Variants in SV2C observed in about 807,000 individuals in gnomAD.
SV2C encodes synaptic vesicle glycoprotein 2C.
SV2C carries 49 observed loss-of-function variants against 79.7 expected under a neutral mutation model. The ratio of observed to expected loss-of-function variants is 0.61; its 90% CI spans 0.49 to 0.78. The LOEUF is 0.78. Among genes scored for constraint, SV2C ranks in the 30% least tolerant of loss-of-function variants. The pLI is 0.00. For missense variants in SV2C, 833 were observed against 912.9 expected (o/e 0.91, Z 1.13); for synonymous variants, 334 against 333.2 (o/e 1.00, Z -0.03).
intron 1 of SV2C, among the ~76,000 whole-genome samples, chr5:76,114,337 G>C (rs1431118097): frequency 6.6e-6 from 1 of 152,106 alleles, no homozygotes; most frequent in Non-Finnish European, 1.5e-5. Context: ...GCTTTTTATA[G>C]CCACCACCCT....
At chr5:76,163,942 C>T (rs534134702) in intron 2 of SV2C, among the ~76,000 whole-genome samples, 56 of 152,304 alleles carry the variant, frequency 3.7e-4, no homozygotes, top group African/African-American at 1.1e-3. Context: ...GACAGTAGGG[C>T]AGACACTGAT....
chr5:76,246,064 C>A (rs1745939753), intron 4 of SV2C, among the ~76,000 whole-genome samples: 2 of 151,840 alleles, frequency 1.3e-5, no homozygotes, highest in Admixed American at 6.6e-5. Context: ...AGTTTGCTTA[C>A]AATGTACCCA....
intron 3 of SV2C, among the ~76,000 whole-genome samples, chr5:76,209,350 G>A (rs1744699506): frequency 6.6e-6 from 1 of 152,150 alleles, no homozygotes; most frequent in Non-Finnish European, 1.5e-5. Context: ...CACAGCATCA[G>A]TTTTTAAAAA....
chr5:76,203,385 C>A (rs1031025670), intron 3 of SV2C, among the ~76,000 whole-genome samples: 1 of 152,174 alleles, frequency 6.6e-6, no homozygotes, highest in Non-Finnish European at 1.5e-5. Flanking sequence ...GAAATGTATA[C>A]AGCAAGAGGC....
intron 4 of SV2C, among the ~76,000 whole-genome samples, chr5:76,246,134 G>A (rs1051454430): frequency 7.9e-5 from 12 of 152,010 alleles, no homozygotes; most frequent in African/African-American, 2.9e-4. Context: ...ACTCCTGGGA[G>A]TTAGGGGAAT....
At chr5:76,217,505 C>T (rs2112369455) in intron 4 of SV2C, among the ~76,000 whole-genome samples, 1 of 152,318 alleles carries the variant, frequency 6.6e-6, no homozygotes, top group Admixed American at 6.5e-5. Flanking sequence ...TCTGTCAAAG[C>T]TTTTCAGTCT....
rs1020727618 is a variant in SV2C, at chr5:76,330,563, C to A, written c.*5016C>A. 1 of 148,438 alleles carries A rather than the reference C, an allele frequency of 6.7e-6. No homozygotes were observed. Among genetic ancestry groups the A allele is most frequent in the Non-Finnish European group, 1.5e-5 (1 of 66,882 alleles). The allele number at this position is 148,438 out of a possible 1,614,324, so 9.2% of individuals were successfully genotyped here. A position where few individuals can be genotyped will look rare whatever the true frequency, so the allele number is the denominator to read the frequency against. On this transcript the variant is annotated 3_prime_UTR_variant, in exon 13 of 13. Transcript: ENST00000502798. Reference sequence around the variant, plus strand: ...ATTACATGTGAACCCTCCGCGCCCCCCCCCATAAATACAAAGTGTTATTTT... The same window carrying A: ...ATTACATGTGAACCCTCCGCGCCCCACCCCATAAATACAAAGTGTTATTTT...
the SV2C span, among the ~76,000 whole-genome samples, chr5:75,850,564 T>TA: frequency 6.6e-6 from 1 of 152,030 alleles, no homozygotes; most frequent in African/African-American, 2.4e-5. Context: ...AGTGACTATC[T>TA]AGGTTGGTGG....
rs536490886 is a variant in SV2C, at chr5:76,110,656, A to G, written c.-101-20994A>G. Reference sequence around the variant, plus strand: ...TGGTGTGCAGAAGTGAGTTCTGGGCACAGGAGCCAGCCTAGCAGCCCATGG... The same window carrying G: ...TGGTGTGCAGAAGTGAGTTCTGGGCGCAGGAGCCAGCCTAGCAGCCCATGG... On this transcript the variant is annotated intron_variant, in intron 1 of 12. Coordinates refer to ENST00000502798, the MANE Select transcript of SV2C (RefSeq NM_014979.4). Among the ~76,000 whole-genome samples, 13 of 152,374 alleles carry G rather than the reference A, an allele frequency of 8.5e-5. No individual in the cohort carries two copies. In the East Asian group the frequency reaches 2.1e-3, roughly 25 times the overall value.
chr5:76,300,351 G>C (rs1487753216), intron 10 of SV2C, among the ~76,000 whole-genome samples: 2 of 151,916 alleles, frequency 1.3e-5, no homozygotes, highest in Non-Finnish European at 2.9e-5. Flanking sequence ...TATAATTGTA[G>C]TATGGACACT....
the SV2C span, among the ~76,000 whole-genome samples, chr5:75,862,376 A>G: frequency 6.6e-6 from 1 of 152,218 alleles, no homozygotes; most frequent in Non-Finnish European, 1.5e-5. Context: ...ACCTAATGCC[A>G]TTTGCCTAGA....
the SV2C span, among the ~76,000 whole-genome samples, chr5:76,026,868 G>A: frequency 1.3e-5 from 2 of 152,080 alleles, no homozygotes; most frequent in Non-Finnish European, 2.9e-5. Context: ...TCCTGAGGAT[G>A]GAGGTGGATG....
the SV2C span, among the ~76,000 whole-genome samples, chr5:75,872,936 A>C: frequency 2.6e-5 from 4 of 152,042 alleles, no homozygotes; most frequent in Admixed American, 6.6e-5. Flanking sequence ...AAAGAAAAAG[A>C]AAAATAATAG....
the SV2C span, among the ~76,000 whole-genome samples, chr5:76,061,268 TA>T: frequency 0.02 from 1,056 of 51,584 alleles, 13 homozygotes; most frequent in African/African-American, 0.073. Context: ...CTTCAATTTG[TA>T]AAAAAAAAAA....
At chr5:76,235,180 CAA>C (rs11336133) in intron 4 of SV2C, among the ~76,000 whole-genome samples, 45,208 of 130,972 alleles carry the variant, frequency 0.35, 7,250 homozygotes, top group Non-Finnish European at 0.38. Flanking sequence ...GAGAAAAGGG[CAA>C]AAAAAAAAAA....
In SV2C at chr5:76,330,690, T is replaced by C. The variant is rs963160288; in HGVS notation, c.*5143T>C. 6.6e-6 allele frequency: 1 copy of C among 151,994 alleles called. No homozygotes were observed. The highest frequency in any genetic ancestry group is 1.5e-5 in the Non-Finnish European group (1 of 68,016). The allele number at this position is 151,994 out of a possible 1,614,324, so 9.4% of individuals were successfully genotyped here. ...AGGAGAAAGCTCCTTGATTACCTGGTTTTTGTTGGAGAGACTATTAACTAG... is the reference window on the plus strand; with the variant it reads ...AGGAGAAAGCTCCTTGATTACCTGGCTTTTGTTGGAGAGACTATTAACTAG... On this transcript the variant is annotated 3_prime_UTR_variant, in exon 13 of 13. Transcript: ENST00000502798.
intron 2 of SV2C, among the ~76,000 whole-genome samples, chr5:76,177,310 A>G (rs181444446): frequency 6.6e-6 from 1 of 151,068 alleles, no homozygotes; most frequent in Admixed American, 6.6e-5. Context: ...GTGTTTTGGG[A>G]AGTACAGAGA....
chr5:76,182,265 A>G (rs890914610), intron 2 of SV2C, among the ~76,000 whole-genome samples: 1 of 150,656 alleles, frequency 6.6e-6, no homozygotes, highest in African/African-American at 2.4e-5. Flanking sequence ...TTAAGACATG[A>G]CCCCCCAGAC....
intron 12 of SV2C, among the ~76,000 whole-genome samples, chr5:76,306,518 CTG>C (rs1748199790): frequency 6.6e-6 from 1 of 152,188 alleles, no homozygotes; most frequent in Admixed American, 6.5e-5. Flanking sequence ...AGGTGGGAAA[CTG>C]TACCCCTGGA....
Sources: allele counts gnomAD v4.1 joint callset (sites outside exome capture counted in the v4.1 genomes callset), GRCh38; gene constraint gnomAD v4.1.1; transcripts MANE v1.5; gene names NCBI Gene and HGNC (gene_info 2026-07-23, HGNC 2026-07-21).